The following FAM13C variants were observed in gnomAD, a reference collection of about 807,000 sequenced individuals.
The protein encoded by FAM13C is protein FAM13C.
In FAM13C, 37 loss-of-function variants were observed where a neutral mutation model predicts 73.2. The ratio of observed to expected loss-of-function variants is 0.51; its 90% confidence interval spans 0.39 to 0.67. The LOEUF (loss-of-function observed/expected upper bound fraction) is 0.67. FAM13C is among the 30% of genes least tolerant of loss of function. FAM13C has a pLI of 0.00. For missense variants in FAM13C, 589 were observed against 715.6 expected (o/e 0.82, Z 2.02); for synonymous variants, 246 against 260.9 (o/e 0.94, Z 0.55).
intron 3 of FAM13C, among the ~76,000 whole-genome samples, chr10:59,335,109 T>G (rs1473902068): frequency 6.6e-6 from 1 of 152,190 alleles, no homozygotes; most frequent in African/African-American, 2.4e-5. Context: ...GCTGCTCAAA[T>G]AGCCTCTATG....
In FAM13C at chr10:59,246,493, T is replaced by C. The variant is rs1350269211; in HGVS notation, c.*1121A>G. 3 of 388,244 alleles carry C rather than the reference T, an allele frequency of 7.7e-6. No individual in the cohort carries two copies. The highest frequency in any genetic ancestry group is 7.3e-5 in the East Asian group (2 of 27,408). The allele number at this position is 388,244 out of a possible 1,614,324, so 24.0% of individuals were successfully genotyped here. On this transcript the variant is annotated 3_prime_UTR_variant, in exon 14 of 14. Coordinates refer to ENST00000618804, the MANE Select transcript of FAM13C (RefSeq NM_198215.4). ...CATCATACTTAAACATTACAGAAAA[T>C]AGAAATACAAACAAGGTTGGTACAT... is the stretch of plus-strand genomic sequence containing the variant.
chr10:59,269,792 T>G (rs1843493554), intron 7 of FAM13C, 107 bp downstream of exon 7: 1 of 1,321,738 alleles, frequency 7.6e-7, no homozygotes, highest in Non-Finnish European at 1.0e-6. Flanking sequence ...CGCAGTTGCG[T>G]TAGGCAGGCA....
intron 3 of FAM13C, among the ~76,000 whole-genome samples, chr10:59,329,716 C>T (rs570399443): frequency 6.6e-6 from 1 of 152,220 alleles, no homozygotes; most frequent in South Asian, 2.1e-4. Context: ...TGTTGTAAGA[C>T]TTTCTAGTAG....
intron 3 of FAM13C, among the ~76,000 whole-genome samples, 157 bp from the exon 4 acceptor site, chr10:59,324,263 T>C (rs1850778983): frequency 6.6e-6 from 1 of 152,102 alleles, no homozygotes; most frequent in African/African-American, 2.4e-5. Context: ...TGGTCCAAAA[T>C]TTTAAAAGCT....
intron 6 of FAM13C, among the ~76,000 whole-genome samples, chr10:59,279,452 T>C (rs1244628416): frequency 6.6e-6 from 1 of 152,220 alleles, no homozygotes; most frequent in Non-Finnish European, 1.5e-5. Context: ...AAAGTTCAAT[T>C]TGAAGATCAA....
chr10:59,252,503 A>C (rs960673205), intron 12 of FAM13C, among the ~76,000 whole-genome samples: 11 of 152,172 alleles, frequency 7.2e-5, no homozygotes, highest in Non-Finnish European at 1.3e-4. Flanking sequence ...ATCATGAGGA[A>C]TGCCAGCTAC....
At chr10:59,352,587 C>T (rs1205432997) in intron 2 of FAM13C, 113 bp from the exon 3 acceptor site, 5 of 1,190,652 alleles carry the variant, frequency 4.2e-6, no homozygotes, top group South Asian at 3.3e-5. Flanking sequence ...ATAGACACCT[C>T]GCAAAATTTT....
In FAM13C at chr10:59,265,322, CGGGGGG is replaced by C. The variant is rs1554811319; in HGVS notation, c.943-1162_943-1157del. ...CAGAGGGATAGGGAAGGGGTTTTGG[CGGGGGG>C]GGGGGGGAATCCTGGTTTCAGGACC... is the stretch of plus-strand genomic sequence containing the variant. On this transcript the variant is annotated intron_variant, in intron 8 of 13. Coordinates refer to ENST00000618804, the MANE Select transcript of FAM13C (RefSeq NM_198215.4). Among the ~76,000 whole-genome samples the C allele has an allele frequency of 1.1e-4, 2 of 17,550 alleles. 1 individual carries two copies. Among genetic ancestry groups the C allele is most frequent in the Non-Finnish European group, 2.0e-4 (2 of 10,086 alleles). The allele number at this position is 17,550 out of a possible 152,430, so 11.5% of individuals were successfully genotyped here.
At chr10:59,356,896 G>A (rs1474760553) in intron 1 of FAM13C, among the ~76,000 whole-genome samples, 1 of 152,154 alleles carries the variant, frequency 6.6e-6, no homozygotes, top group Non-Finnish European at 1.5e-5. Context: ...AGAAGAAGCT[G>A]GAAAGAACAG....
Position 59,324,103 on chromosome 10 carries a change from T to C in FAM13C, c.328A>G (p.Thr110Ala). 3.1e-6 allele frequency: 5 copies of C among 1,611,400 alleles called. No individual in the cohort carries two copies. The highest frequency in any genetic ancestry group is 4.2e-6 in the Non-Finnish European group (5 of 1,178,200). Residue 110 changes from threonine to alanine, a missense_variant, in exon 4 of 14, where the codon ACA (threonine) becomes GCA (alanine). Physicochemically the swap from Thr to Ala is moderately conservative, Grantham distance 58. Transcript: ENST00000618804. The part of the protein sequence containing the change: ...SGRSHGESQE[T>A]EHVVSSQSEC... ...GACTGGCTGGATACCACATGCTCTG[T>C]CTCCTGCAAGAAGAAAGAGCAAAAG...
At chr10:59,347,487 C>T (rs1247231259) in intron 3 of FAM13C, among the ~76,000 whole-genome samples, 2 of 152,042 alleles carry the variant, frequency 1.3e-5, no homozygotes, top group East Asian at 3.9e-4. Context: ...TAGACAGTTA[C>T]CATCTGGCTC....
intron 6 of FAM13C, among the ~76,000 whole-genome samples, chr10:59,277,225 T>C (rs561780793): frequency 6.6e-6 from 1 of 152,294 alleles, no homozygotes; most frequent in East Asian, 1.9e-4. Flanking sequence ...TGGGGAGCTC[T>C]GATAGAATAT....
At chr10:59,286,201 A>C (rs1039410233) in intron 5 of FAM13C, among the ~76,000 whole-genome samples, 1 of 152,212 alleles carries the variant, frequency 6.6e-6, no homozygotes, top group Non-Finnish European at 1.5e-5. Flanking sequence ...TCCCACTTGC[A>C]TAAGATATTT....
intron 5 of FAM13C, among the ~76,000 whole-genome samples, chr10:59,295,710 C>T (rs941372000): frequency 6.6e-6 from 1 of 152,086 alleles, no homozygotes; most frequent in Non-Finnish European, 1.5e-5. Context: ...ATTTATTACC[C>T]ATTAATAGAA....
chr10:59,248,949 C>T (rs1841025975), intron 13 of FAM13C, among the ~76,000 whole-genome samples: 1 of 152,162 alleles, frequency 6.6e-6, no homozygotes, highest in South Asian at 2.1e-4. Flanking sequence ...TCTTTGCCTC[C>T]ATTCTGTGTT....
chr10:59,258,779 T>C (rs1842187640), intron 10 of FAM13C, among the ~76,000 whole-genome samples: 1 of 152,196 alleles, frequency 6.6e-6, no homozygotes. Flanking sequence ...ATGCCCTTTA[T>C]CTCTAAGTCT....
chr10:59,251,756 C>A, intron 12 of FAM13C, 80 bp from the exon 13 acceptor site: 1 of 1,064,778 alleles, frequency 9.4e-7, no homozygotes, highest in Non-Finnish European at 1.4e-6. Context: ...TCTGTTCAGC[C>A]AAAAAAGCAT....
chr10:59,254,276 T>C (rs768054826), intron 11 of FAM13C, 72 bp downstream of exon 11: 2 of 1,029,502 alleles, frequency 1.9e-6, no homozygotes, highest in Non-Finnish European at 1.4e-6. Context: ...TTTATAACTC[T>C]TGTACTACTA....
intron 5 of FAM13C, among the ~76,000 whole-genome samples, chr10:59,296,361 C>G (rs980855228): frequency 1.3e-5 from 2 of 152,122 alleles, no homozygotes; most frequent in African/African-American, 2.4e-5. Context: ...CTACTTTTAA[C>G]AAAATTAACA....
Sources: gnomAD v4.1 joint callset for allele counts (sites outside exome capture counted in the v4.1 genomes callset) on GRCh38, gnomAD v4.1.1 for gene constraint, MANE v1.5 for transcripts, NCBI Gene and HGNC (gene_info 2026-07-23, HGNC 2026-07-21) for gene names.